MGAT4C: variants seen among roughly 807,000 people sequenced by gnomAD.
The protein encoded by MGAT4C is MGAT4 family member C, also known as alpha-1,3-mannosyl-glycoprotein 4-beta-N-acetylglucosaminyltransferase C.
MGAT4C carries 19 observed loss-of-function variants against 40.1 expected under a neutral mutation model. The observed-to-expected ratio is 0.47, with a 90% CI of 0.33 to 0.70. The LOEUF (loss-of-function observed/expected upper bound fraction) is 0.70, where lower values mean the gene tolerates loss of function less well. Ranked by LOEUF, MGAT4C falls within the 30% of genes least tolerant of loss-of-function variation. The pLI, the probability that MGAT4C is intolerant of heterozygous loss-of-function variation, is 0.02. For synonymous variants in MGAT4C, 181 were observed against 187.1 expected, an observed-to-expected ratio of 0.97 and a Z score of 0.27; for missense variants, 491 against 563.2, an observed-to-expected ratio of 0.87 and a Z score of 1.30.
At chr12:86,735,760 AACTG>A (rs1950976185) in intron 1 of MGAT4C, among the ~76,000 whole-genome samples, 1 of 151,870 alleles carries the variant, frequency 6.6e-6, no homozygotes, top group South Asian at 2.1e-4. Context: ...TCTCTTCTGA[AACTG>A]ACTGTTCATC....
At chr12:86,240,603 G>T (rs1347919658) in intron 1 of MGAT4C, among the ~76,000 whole-genome samples, 1 of 151,990 alleles carries the variant, frequency 6.6e-6, no homozygotes, top group Non-Finnish European at 1.5e-5. Context: ...AATATTTTAT[G>T]TTATTGTTTA....
At chr12:86,631,619 A>T (rs1963047318) in intron 2 of MGAT4C, among the ~76,000 whole-genome samples, 1 of 152,038 alleles carries the variant, frequency 6.6e-6, no homozygotes, top group Non-Finnish European at 1.5e-5. Flanking sequence ...CAACCATCTG[A>T]TCTTTGACAA....
At chr12:86,239,079 C>T (rs763695269) in intron 1 of MGAT4C, among the ~76,000 whole-genome samples, 4 of 151,854 alleles carry the variant, frequency 2.6e-5, no homozygotes, top group African/African-American at 9.7e-5. Context: ...TAGTGGCATT[C>T]GGCGAGTGTT....
At chr12:86,805,881 T>C (rs1952343414) in intron 1 of MGAT4C, among the ~76,000 whole-genome samples, 1 of 151,932 alleles carries the variant, frequency 6.6e-6, no homozygotes, top group African/African-American at 2.4e-5. Context: ...TGCCAGCATC[T>C]TTTATTTTTA....
intron 2 of MGAT4C, among the ~76,000 whole-genome samples, chr12:86,545,899 G>A (rs1959190445): frequency 1.3e-5 from 2 of 151,868 alleles, no homozygotes; most frequent in Non-Finnish European, 2.9e-5. Context: ...ATGTGTCAGT[G>A]AATAACAACA....
intron 2 of MGAT4C, among the ~76,000 whole-genome samples, chr12:86,705,447 A>T (rs1950439051): frequency 6.6e-6 from 1 of 152,074 alleles, no homozygotes; most frequent in Admixed American, 6.6e-5. Context: ...GGGAGGTTTC[A>T]CAACAGAATT....
intron 3 of MGAT4C, among the ~76,000 whole-genome samples, chr12:86,429,488 G>T (rs1254013780): frequency 6.6e-6 from 1 of 152,094 alleles, no homozygotes; most frequent in Non-Finnish European, 1.5e-5. Flanking sequence ...TAAATCTAAA[G>T]TGTTGTTCAA....
In MGAT4C at chr12:85,980,001, G is replaced by T. The variant is rs753086343; in HGVS notation, c.725C>A (p.Ala242Glu). 1 of 1,613,574 alleles carries T rather than the reference G, an allele frequency of 6.2e-7. No homozygotes were observed. Among genetic ancestry groups the T allele is most frequent in the East Asian group, 2.2e-5 (1 of 44,860 alleles). The part of the protein sequence containing the change: ...NFLTAIKKVI[A>E]SLEGTYWVTL... ...TACCCAGTAAGTTCCTTCTAGGGATGCAATGACTTTCTTGATGGCAGTTAA... is the reference window on the plus strand; with the variant it reads ...TACCCAGTAAGTTCCTTCTAGGGATTCAATGACTTTCTTGATGGCAGTTAA... The change falls in exon 5 of 5, where the codon GCA becomes GAA. Residue 242 changes from alanine to glutamate, a missense_variant. Ala to Glu is a moderately radical substitution (Grantham distance 107). Coordinates refer to ENST00000611864, the MANE Select transcript of MGAT4C (RefSeq NM_001351288.2).
At chr12:86,437,461 T>G (rs1395135032) in intron 2 of MGAT4C, among the ~76,000 whole-genome samples, 3 of 151,816 alleles carry the variant, frequency 2.0e-5, no homozygotes, top group Middle Eastern at 3.4e-3. Flanking sequence ...AAAAAGAAAA[T>G]GAGGAAGGCA....
chr12:85,992,171 A>G (rs1192499675), intron 2 of MGAT4C, among the ~76,000 whole-genome samples: 1 of 152,208 alleles, frequency 6.6e-6, no homozygotes, highest in Non-Finnish European at 1.5e-5. Flanking sequence ...AATACTGGAC[A>G]TTTGTCAGTC....
At chr12:86,279,980 T>C (rs560021877) in intron 4 of MGAT4C, among the ~76,000 whole-genome samples, 1 of 152,206 alleles carries the variant, frequency 6.6e-6, no homozygotes, top group South Asian at 2.1e-4. Context: ...TTCATTATGA[T>C]CAGAGAAGAT....
intron 2 of MGAT4C, among the ~76,000 whole-genome samples, chr12:86,680,832 G>A (rs1334191262): frequency 6.6e-6 from 1 of 151,806 alleles, no homozygotes; most frequent in African/African-American, 2.4e-5. Context: ...TCTATATTAT[G>A]TTTCTTCTCA....
chr12:86,675,983 A>AC (rs1221827502), intron 2 of MGAT4C, among the ~76,000 whole-genome samples: 2 of 151,440 alleles, frequency 1.3e-5, no homozygotes, highest in African/African-American at 2.4e-5. Flanking sequence ...AAAAAAAAAA[A>AC]ACATTCATTT....
At chr12:86,678,873 A>T (rs1229718405) in intron 2 of MGAT4C, among the ~76,000 whole-genome samples, 1 of 152,130 alleles carries the variant, frequency 6.6e-6, no homozygotes, top group Non-Finnish European at 1.5e-5. Flanking sequence ...TATTGTTAAT[A>T]GTGCTGCAGT....
intron 2 of MGAT4C, among the ~76,000 whole-genome samples, chr12:86,690,303 C>T (rs1409861531): frequency 6.6e-6 from 1 of 152,140 alleles, no homozygotes; most frequent in Non-Finnish European, 1.5e-5. Flanking sequence ...TGGCTTCAGT[C>T]CTCTCTCCAG....
Position 86,473,343 on chromosome 12 carries a change from A to T in MGAT4C, c.-228-38078T>A, listed in dbSNP as rs188721335. Among the ~76,000 whole-genome samples, 7 of 152,258 alleles carry T rather than the reference A, an allele frequency of 4.6e-5. No homozygotes were observed. The East Asian group carries it at 1.3e-3, about 29-fold the overall frequency. On this transcript the variant is annotated intron_variant, in intron 2 of 7. Transcript: ENST00000548651. ...GACATCCAGACAGCAAGTAATGCCA[A>T]CTCTGACAAACCACTGCTGTGATCA...
chr12:86,114,508 C>G (rs1018309692), intron 1 of MGAT4C, among the ~76,000 whole-genome samples: 3 of 151,586 alleles, frequency 2.0e-5, no homozygotes, highest in Admixed American at 1.3e-4. Flanking sequence ...CATATGGGCT[C>G]TCTTGATTTT....
intron 1 of MGAT4C, among the ~76,000 whole-genome samples, chr12:86,097,648 G>T (rs1051256082): frequency 6.6e-6 from 1 of 151,516 alleles, no homozygotes; most frequent in African/African-American, 2.4e-5. Context: ...TTCAGCATTT[G>T]CTTATCAGAG....
chr12:86,491,776 G>T (rs1180871949), intron 2 of MGAT4C, among the ~76,000 whole-genome samples: 1 of 151,184 alleles, frequency 6.6e-6, no homozygotes, highest in African/African-American at 2.4e-5. Context: ...ATTCAACATA[G>T]TGTTGGAAGT....
Sources: gnomAD v4.1 joint callset for allele counts (sites outside exome capture counted in the v4.1 genomes callset) on GRCh38, gnomAD v4.1.1 for gene constraint, MANE v1.5 for transcripts, NCBI Gene and HGNC (gene_info 2026-07-23, HGNC 2026-07-21) for gene names.